Variants in BMPR1B observed in about 807,000 individuals in gnomAD.
BMPR1B encodes the protein bone morphogenetic protein receptor type-1B.
Under a neutral mutation model 59.1 loss-of-function variants are expected in BMPR1B, and 12 were observed. That is an observed-to-expected ratio of 0.20 (90% CI 0.13 to 0.33). The LOEUF is 0.33. Ranked by LOEUF, BMPR1B falls within the 10% of genes least tolerant of loss-of-function variation. BMPR1B has a pLI of 1.00. For synonymous variants in BMPR1B, 237 were observed against 207.3 expected (o/e 1.14, Z -1.23); for missense variants, 550 against 610.9 (o/e 0.90, Z 1.05).
In BMPR1B at chr4:95,125,043, C is replaced by A; in HGVS notation, c.507C>A (p.Tyr169Ter). The A allele has an allele frequency of 6.2e-7, 1 of 1,613,484 alleles. No individual in the cohort carries two copies. The highest frequency in any genetic ancestry group is 8.5e-7 in the Non-Finnish European group (1 of 1,179,462). Reference protein sequence around the residue: ...YSIGLEQDETYIPPGESLRDL... With the variant: ...YSIGLEQDET ...TTGGGTTAGAACAGGATGAAACTTA[C>A]ATTCCTCCTGGAGAATCCCTGAGAG... Residue 169 changes from tyrosine to a stop codon, truncating the protein, a stop_gained, in exon 8 of 13, where the codon TAC (tyrosine) becomes TAA (stop). Coordinates refer to ENST00000515059, the MANE Select transcript of BMPR1B (RefSeq NM_001203.3). LOFTEE classifies it high-confidence loss of function.
chr4:95,118,038 G>A lies in BMPR1B; in HGVS notation c.349+2251G>A, dbSNP rs539201119. 5.3e-5 allele frequency among the ~76,000 whole-genome samples: 8 copies of A among 152,256 alleles called. No homozygotes were observed. In the East Asian group the frequency reaches 5.8e-4, roughly 11 times the overall value. ...GCTGGTGGACTCTACTGAGCATTGC[G>A]TAAGGTGGCTGGCTTTGGTGGGGTT... On this transcript the variant is annotated intron_variant, in intron 6 of 12. Transcript: ENST00000515059.
intron 3 of BMPR1B, among the ~76,000 whole-genome samples, chr4:95,085,043 G>T (rs967221385): frequency 6.6e-6 from 1 of 152,040 alleles, no homozygotes; most frequent in Non-Finnish European, 1.5e-5. Flanking sequence ...TGATATGAAG[G>T]CCTAAGCACA....
intron 1 of BMPR1B, among the ~76,000 whole-genome samples, chr4:94,819,780 C>G (rs1307014161): frequency 6.6e-6 from 1 of 152,130 alleles, no homozygotes; most frequent in Non-Finnish European, 1.5e-5. Context: ...AAGAAATGAA[C>G]CTTTTAACAA....
chr4:95,092,747 C>T (rs1389305061), intron 3 of BMPR1B, among the ~76,000 whole-genome samples: 1 of 151,454 alleles, frequency 6.6e-6, no homozygotes, highest in African/African-American at 2.4e-5. Context: ...ATAGCACAAA[C>T]ACGGTGATTT....
intron 2 of BMPR1B, among the ~76,000 whole-genome samples, chr4:94,958,826 G>A (rs927807153): frequency 6.6e-6 from 1 of 152,092 alleles, no homozygotes; most frequent in Non-Finnish European, 1.5e-5. Flanking sequence ...TGAAATAAGA[G>A]GACTCAGGCT....
intron 3 of BMPR1B, among the ~76,000 whole-genome samples, chr4:95,047,449 C>T (rs1726135978): frequency 6.6e-6 from 1 of 152,160 alleles, no homozygotes. Flanking sequence ...TTCTCATAGA[C>T]TGGGGTGTTG....
At chr4:94,766,668 T>A (rs76210233) in intron 1 of BMPR1B, among the ~76,000 whole-genome samples, 6,671 of 152,006 alleles carry the variant, frequency 0.044, 220 homozygotes, top group South Asian at 0.1. Context: ...ACTCTTTTTT[T>A]AATTTTATTA....
intron 9 of BMPR1B, among the ~76,000 whole-genome samples, 187 bp from the exon 10 acceptor site, chr4:95,131,028 C>T (rs1449317804): frequency 2.0e-5 from 3 of 151,976 alleles, no homozygotes; most frequent in Non-Finnish European, 2.9e-5. Context: ...CTGTGCCTAG[C>T]CTTACTTGTA....
chr4:95,104,489 C>G lies in BMPR1B; in HGVS notation c.65C>G (p.Ala22Gly), dbSNP rs1731060030. ...AAGAAAGAGGATGGTGAGAGTACAG[C>G]CCCCACCCCCCGTCCAAAGGTCTTG... is the stretch of plus-strand genomic sequence containing the variant. ...GTKKEDGEST[A>G]PTPRPKVLRC... The change falls in exon 4 of 13, where the codon GCC becomes GGC. Residue 22 changes from alanine (A) to glycine (G), a missense_variant. By Grantham distance (60) the Ala-to-Gly change is moderately conservative. Coordinates refer to ENST00000515059, the MANE Select transcript of BMPR1B (RefSeq NM_001203.3). 1 of 1,613,350 alleles carries G rather than the reference C, an allele frequency of 6.2e-7. No homozygotes were observed.
At chr4:95,135,290 T>C (rs1244603777) in intron 10 of BMPR1B, among the ~76,000 whole-genome samples, 2 of 152,190 alleles carry the variant, frequency 1.3e-5, no homozygotes, top group African/African-American at 4.8e-5. Flanking sequence ...TGAAGTCAGG[T>C]AGTGTGATGC....
At chr4:95,081,914 G>C (rs920234918) in intron 3 of BMPR1B, among the ~76,000 whole-genome samples, 6 of 152,052 alleles carry the variant, frequency 3.9e-5, no homozygotes. Flanking sequence ...AAAACATAGA[G>C]CAATGCCACA....
intron 1 of BMPR1B, among the ~76,000 whole-genome samples, chr4:94,778,489 A>G (rs1722466105): frequency 6.6e-6 from 1 of 152,002 alleles, no homozygotes; most frequent in African/African-American, 2.4e-5. Context: ...TTACTTCCTG[A>G]TAGGGTATTT....
chr4:95,037,839 C>T (rs969386441), intron 3 of BMPR1B, among the ~76,000 whole-genome samples: 2 of 151,964 alleles, frequency 1.3e-5, no homozygotes, highest in African/African-American at 4.8e-5. Context: ...TTCTTGAATA[C>T]GTATTACATA....
intron 2 of BMPR1B, among the ~76,000 whole-genome samples, chr4:94,985,231 A>G (rs919808860): frequency 1.3e-5 from 2 of 152,146 alleles, no homozygotes; most frequent in African/African-American, 4.8e-5. Context: ...GTAGCAATAT[A>G]GAAGATTGAT....
At chr4:94,856,112 A>G (rs1346992167) in intron 1 of BMPR1B, among the ~76,000 whole-genome samples, 1 of 152,212 alleles carries the variant, frequency 6.6e-6, no homozygotes, top group Non-Finnish European at 1.5e-5. Context: ...GCCTGGGGAA[A>G]AAAACAGATT....
chr4:94,979,450 C>T (rs917274414), intron 2 of BMPR1B, among the ~76,000 whole-genome samples: 7 of 152,126 alleles, frequency 4.6e-5, no homozygotes, highest in Admixed American at 4.6e-4. Context: ...AGTTCTCTGG[C>T]AAAGCCAAAA....
rs143253172 is a variant in BMPR1B at position 94,982,140 on chromosome 4, C to G, written c.-112-13900C>G. Among the ~76,000 whole-genome samples the G allele has an allele frequency of 2.0e-3, 309 of 152,252 alleles. 1 individual carries two copies. Among genetic ancestry groups the G allele is most frequent in the African/African-American group, 7.1e-3 (293 of 41,540 alleles). On this transcript the variant is annotated intron_variant, in intron 2 of 12. Transcript: ENST00000515059. ...GGAGAATACATAAAAAACAATGAATCTGAGATGGATTTAATTGTGTTGGGT... is the reference window on the plus strand; with the variant it reads ...GGAGAATACATAAAAAACAATGAATGTGAGATGGATTTAATTGTGTTGGGT...
chr4:94,758,650 T>C (rs1721627040), intron 1 of BMPR1B, among the ~76,000 whole-genome samples: 1 of 152,172 alleles, frequency 6.6e-6, no homozygotes, highest in Non-Finnish European at 1.5e-5. Flanking sequence ...CGCCTTGGAC[T>C]GGGCTCCGTC....
At chr4:95,039,793 TG>T (rs1010552338) in intron 3 of BMPR1B, among the ~76,000 whole-genome samples, 1 of 152,110 alleles carries the variant, frequency 6.6e-6, no homozygotes, top group Non-Finnish European at 1.5e-5. Context: ...ATCAGTGTAG[TG>T]TGTAGTGTAG....
Sources: allele counts gnomAD v4.1 joint callset (sites outside exome capture counted in the v4.1 genomes callset), GRCh38; gene constraint gnomAD v4.1.1; transcripts MANE v1.5; gene names NCBI Gene and HGNC (gene_info 2026-07-23, HGNC 2026-07-21).